Variants in ST8SIA1 observed in about 807,000 individuals in gnomAD.
ST8SIA1 encodes the protein ST8 alpha-N-acetyl-neuraminide alpha-2,8-sialyltransferase 1, also known as alpha-N-acetylneuraminide alpha-2,8-sialyltransferase.
Under a neutral mutation model 35.9 loss-of-function variants are expected in ST8SIA1, and 16 were observed. The ratio of observed to expected loss-of-function variants is 0.45; its 90% confidence interval spans 0.30 to 0.68. ST8SIA1 has a LOEUF of 0.68. Among genes scored for constraint, ST8SIA1 ranks in the 30% least tolerant of loss-of-function variants. The pLI is 0.09. For missense variants in ST8SIA1, 383 were observed against 453.6 expected, an observed-to-expected ratio of 0.84 and a Z score of 1.41; for synonymous variants, 170 against 169.6, an observed-to-expected ratio of 1.00 and a Z score of -0.02.
chr12:22,240,027 G>A (rs1865522289), intron 4 of ST8SIA1, among the ~76,000 whole-genome samples: 1 of 151,972 alleles, frequency 6.6e-6, no homozygotes, highest in African/African-American at 2.4e-5. Flanking sequence ...CTCTAAATCT[G>A]ATGAGTACAA....
chr12:22,202,518 C>T (rs755007741), intron 4 of ST8SIA1, among the ~76,000 whole-genome samples: 21 of 152,248 alleles, frequency 1.4e-4, no homozygotes, highest in Non-Finnish European at 2.9e-4. Context: ...TTCATCAATG[C>T]TACAACTATA....
At chr12:22,214,942 C>T (rs184185574) in intron 4 of ST8SIA1, among the ~76,000 whole-genome samples, 7 of 152,284 alleles carry the variant, frequency 4.6e-5, no homozygotes, top group African/African-American at 1.7e-4. Context: ...TGGCTTCCAA[C>T]TCAGATCAGC....
In ST8SIA1 at chr12:22,278,257, A is replaced by G. The variant is rs774651211; in HGVS notation, c.381+8892T>C. On this transcript the variant is annotated intron_variant, in intron 2 of 4. Coordinates refer to ENST00000396037, the MANE Select transcript of ST8SIA1 (RefSeq NM_003034.4). ...ATTTTGTAGATTTTTGATTTACATT[A>G]AATTTTATAGTTTGTGTAGAAATAC... Among the ~76,000 whole-genome samples, 121 of 152,340 alleles carry G rather than the reference A, an allele frequency of 7.9e-4. 2 individuals are homozygous for G. The highest frequency in any genetic ancestry group is 2.2e-4 in the Non-Finnish European group (15 of 68,028).
intron 1 of ST8SIA1, among the ~76,000 whole-genome samples, chr12:22,311,994 T>G (rs1866454983): frequency 6.6e-6 from 1 of 152,128 alleles, no homozygotes; most frequent in South Asian, 2.1e-4. Context: ...TGGTGCTCCT[T>G]TCTAAAATGT....
chr12:22,287,378 G>A (rs1163617706), intron 1 of ST8SIA1, 85 bp from the exon 2 acceptor site: 1 of 1,429,578 alleles, frequency 7.0e-7, no homozygotes, highest in Non-Finnish European at 9.5e-7. Context: ...ACAGAGATGT[G>A]CCACCTTACC....
In ST8SIA1 at chr12:22,281,989, A is replaced by T. The variant is rs73251926; in HGVS notation, c.381+5160T>A. ...GTGCCACTGCATTTTTAGTTTATCA[A>T]ACAGAGCAAGACCCTGTCTCAAAAT... On this transcript the variant is annotated intron_variant, in intron 2 of 4. Coordinates refer to ENST00000396037, the MANE Select transcript of ST8SIA1 (RefSeq NM_003034.4). 8.1e-3 allele frequency among the ~76,000 whole-genome samples: 1,236 copies of T among 152,210 alleles called. 19 individuals are homozygous for T. The highest frequency in any genetic ancestry group is 0.029 in the African/African-American group (1,189 of 41,544).
chr12:22,265,563 A>G (rs1310294032), intron 2 of ST8SIA1, among the ~76,000 whole-genome samples: 1 of 152,206 alleles, frequency 6.6e-6, no homozygotes, highest in East Asian at 1.9e-4. Flanking sequence ...CTGACTTCTT[A>G]CAGTTGTTGT....
chr12:22,325,889 T>C, intron 1 of ST8SIA1: 2 of 701,474 alleles, frequency 2.9e-6, no homozygotes, highest in Non-Finnish European at 5.2e-6. Context: ...CCAAGATGGA[T>C]ATTAAGTGAC....
At chr12:22,243,955 G>A (rs112199456) in intron 4 of ST8SIA1, among the ~76,000 whole-genome samples, 6,812 of 152,062 alleles carry the variant, frequency 0.045, 513 homozygotes, top group African/African-American at 0.16. Context: ...CTCTTGAACC[G>A]GGAGGCAGAG....
intron 1 of ST8SIA1, among the ~76,000 whole-genome samples, chr12:22,311,406 T>A (rs748107620): frequency 6.6e-6 from 1 of 152,078 alleles, no homozygotes; most frequent in Non-Finnish European, 1.5e-5. Context: ...ATCGAAGGAC[T>A]AGAAGGATTT....
rs1346726196 is a variant in ST8SIA1, at chr12:22,325,605, T to C, written c.236+8392A>G. 2.0e-5 allele frequency: 13 copies of C among 649,174 alleles called. No homozygotes were observed. The East Asian group carries it at 3.0e-4, about 15-fold the overall frequency. The allele number at this position is 649,174 out of a possible 1,614,324, so 40.2% of individuals were successfully genotyped here. A position where few individuals can be genotyped will look rare whatever the true frequency, so the allele number is the denominator to read the frequency against. On this transcript the variant is annotated intron_variant, in intron 1 of 4. Coordinates refer to ENST00000396037, the MANE Select transcript of ST8SIA1 (RefSeq NM_003034.4). ...AGGAATGAAACTAGGAATCTCCTCT[T>C]ATCTGTGGAGGATACATTCCAAGAC...
intron 4 of ST8SIA1, among the ~76,000 whole-genome samples, chr12:22,234,259 C>A (rs1191906823): frequency 9.8e-4 from 136 of 138,916 alleles, no homozygotes; most frequent in South Asian, 1.4e-3. Flanking sequence ...AACTCTGTCT[C>A]AAAAAAAAAA....
At chr12:22,287,337 T>C (rs759042742) in intron 1 of ST8SIA1, 44 bp from the exon 2 acceptor site, 8 of 1,587,782 alleles carry the variant, frequency 5.0e-6, no homozygotes, top group Non-Finnish European at 6.9e-6. Flanking sequence ...GCAGGTTAAA[T>C]GAGGAGCAGA....
intron 2 of ST8SIA1, among the ~76,000 whole-genome samples, chr12:22,281,389 C>T (rs1334127470): frequency 1.3e-5 from 2 of 152,182 alleles, no homozygotes; most frequent in Non-Finnish European, 2.9e-5. Flanking sequence ...GATTTTTAGA[C>T]TGCATACCCT....
At chr12:22,202,165 T>C (rs1865055428) in intron 4 of ST8SIA1, 127 bp from the exon 5 acceptor site, 13 of 808,342 alleles carry the variant, frequency 1.6e-5, no homozygotes, top group Admixed American at 1.2e-4. Flanking sequence ...AAAAACACTT[T>C]ATTTGTATTT....
At chr12:22,276,804 G>C (rs987753028) in intron 2 of ST8SIA1, among the ~76,000 whole-genome samples, 5 of 151,508 alleles carry the variant, frequency 3.3e-5, no homozygotes, top group Non-Finnish European at 7.4e-5. Context: ...AGAGGGGAGA[G>C]AGAGAGAAAA....
In ST8SIA1 at chr12:22,194,548, T is replaced by C. The variant is rs1017144807; in HGVS notation, c.*7004A>G. 2.0e-5 allele frequency: 3 copies of C among 152,174 alleles called. No homozygotes were observed. The highest frequency in any genetic ancestry group is 6.6e-5 in the Admixed American group (1 of 15,262). The allele number at this position is 152,174 out of a possible 1,614,324, so 9.4% of individuals were successfully genotyped here. ...GAAGTAGGGGTCAAGCCAGAAAAAG[T>C]TAAGGCACCCTCTGCCACTCCCCAC... is the stretch of plus-strand genomic sequence containing the variant. On this transcript the variant is annotated 3_prime_UTR_variant, in exon 5 of 5. Coordinates refer to ENST00000396037, the MANE Select transcript of ST8SIA1 (RefSeq NM_003034.4).
At chr12:22,225,675 T>C (rs1865348925) in intron 4 of ST8SIA1, among the ~76,000 whole-genome samples, 1 of 152,232 alleles carries the variant, frequency 6.6e-6, no homozygotes, top group South Asian at 2.1e-4. Flanking sequence ...GGCAACTCTA[T>C]AACTGTTACC....
At position 22,195,552 on chromosome 12, in the gene ST8SIA1, C is replaced by T. The variant is rs1200874428; in HGVS notation, c.*6000G>A. ...CATTTGGGGAAATCGCAGGGGCCAGCACATCAGGTGTGCAATGGATAAGCT... is the reference window on the plus strand; with the variant it reads ...CATTTGGGGAAATCGCAGGGGCCAGTACATCAGGTGTGCAATGGATAAGCT... On this transcript the variant is annotated 3_prime_UTR_variant, in exon 5 of 5. Coordinates refer to ENST00000396037, the MANE Select transcript of ST8SIA1 (RefSeq NM_003034.4). 1 of 152,148 alleles carries T rather than the reference C, an allele frequency of 6.6e-6. No homozygotes were observed. The highest frequency in any genetic ancestry group is 1.5e-5 in the Non-Finnish European group (1 of 68,050). The allele number at this position is 152,148 out of a possible 1,614,324, so 9.4% of individuals were successfully genotyped here. A position where few individuals can be genotyped will look rare whatever the true frequency, so the allele number is the denominator to read the frequency against.
Sources: gnomAD v4.1 joint callset for allele counts (sites outside exome capture counted in the v4.1 genomes callset) on GRCh38, gnomAD v4.1.1 for gene constraint, MANE v1.5 for transcripts, NCBI Gene and HGNC (gene_info 2026-07-23, HGNC 2026-07-21) for gene names.